Variants in TBC1D1 observed in about 807,000 individuals in gnomAD.
The protein encoded by TBC1D1 is TBC1 domain family member 1.
TBC1D1 carries 89 observed loss-of-function variants against 125.6 expected under a neutral mutation model. That is an observed-to-expected ratio of 0.71 (90% CI 0.60 to 0.85). The LOEUF (loss-of-function observed/expected upper bound fraction) is 0.85. Ranked by LOEUF, TBC1D1 falls within the 40% of genes least tolerant of loss-of-function variation. The pLI, the probability that TBC1D1 is intolerant of heterozygous loss-of-function variation, is 0.00. For missense variants in TBC1D1, 1,377 were observed against 1,469.2 expected (o/e 0.94, Z 1.03); for synonymous variants, 565 against 564.1 (o/e 1.00, Z -0.02).
At chr4:37,950,606 T>C (rs1034148007) in intron 2 of TBC1D1, among the ~76,000 whole-genome samples, 3 of 81,642 alleles carry the variant, frequency 3.7e-5, no homozygotes, top group Non-Finnish European at 4.5e-5. Flanking sequence ...CCTCCCCCAA[T>C]AGCAACATTC....
At chr4:37,905,128 G>C (rs759523626) in intron 2 of TBC1D1, among the ~76,000 whole-genome samples, 9 of 152,170 alleles carry the variant, frequency 5.9e-5, no homozygotes, top group Non-Finnish European at 1.2e-4. Flanking sequence ...TGGGAGAAGA[G>C]GCATGTAAAG....
intron 2 of TBC1D1, among the ~76,000 whole-genome samples, chr4:37,926,178 G>A (rs1722074015): frequency 6.6e-6 from 1 of 152,210 alleles, no homozygotes; most frequent in Non-Finnish European, 1.5e-5. Context: ...CTTTCTAGTG[G>A]TAAACATTAT....
chr4:38,054,130 A>G, intron 11 of TBC1D1, 69 bp from the exon 14 acceptor site: 1 of 1,520,536 alleles, frequency 6.6e-7, no homozygotes, highest in Non-Finnish European at 9.0e-7. Flanking sequence ...TGTTTAAAAA[A>G]ATGTTAAGCT....
At chr4:37,936,518 G>A (rs1724428757) in intron 2 of TBC1D1, among the ~76,000 whole-genome samples, 1 of 152,124 alleles carries the variant, frequency 6.6e-6, no homozygotes, top group Non-Finnish European at 1.5e-5. Context: ...ATAGTCTAGG[G>A]GCTATTGGAT....
At chr4:38,125,845 T>C (rs140508419) in intron 18 of TBC1D1, among the ~76,000 whole-genome samples, 1 of 152,308 alleles carries the variant, frequency 6.6e-6, no homozygotes, top group African/African-American at 2.4e-5. Flanking sequence ...CTATGCTCCT[T>C]AGTAGAGAAA....
Position 38,045,900 on chromosome 4 carries a change from CA to C in TBC1D1, c.1629del (p.Glu544SerfsTer54). Reference sequence around the variant, plus strand: ...TGTCTAGTACATTAAGTAACACCAGCAAAGTAAGCACATTTCTCTTTATACG... The same window carrying C: ...TGTCTAGTACATTAAGTAACACCAGCAAGTAAGCACATTTCTCTTTATACG... On this transcript the variant is annotated frameshift_variant and splice_region_variant, in exon 10 of 20. Coordinates refer to ENST00000261439, the MANE Select transcript of TBC1D1 (RefSeq NM_015173.4). LOFTEE classifies it high-confidence loss of function. The C allele has an allele frequency of 6.2e-7, 1 of 1,613,588 alleles. No homozygotes were observed. Among genetic ancestry groups the C allele is most frequent in the Non-Finnish European group, 8.5e-7 (1 of 1,179,506 alleles).
chr4:37,912,854 T>C (rs1438077524), intron 2 of TBC1D1, among the ~76,000 whole-genome samples: 2 of 152,212 alleles, frequency 1.3e-5, no homozygotes, highest in African/African-American at 4.8e-5. Context: ...TAAATTTCTG[T>C]GCTTTATAAA....
chr4:38,022,615 C>T (rs958152947), intron 6 of TBC1D1, among the ~76,000 whole-genome samples: 7 of 152,140 alleles, frequency 4.6e-5, no homozygotes, highest in African/African-American at 9.7e-5. Context: ...CGAATGAATC[C>T]GAATGGAATG....
intron 6 of TBC1D1, among the ~76,000 whole-genome samples, chr4:38,022,455 T>G (rs2152437452): frequency 6.6e-6 from 1 of 152,350 alleles, no homozygotes; most frequent in South Asian, 2.1e-4. Context: ...GAGCCCATGA[T>G]TCACCCCAGG....
In TBC1D1 at chr4:37,899,323, A is replaced by G. The variant is rs144479255; in HGVS notation, c.-93-2680A>G. 6.6e-4 allele frequency among the ~76,000 whole-genome samples: 101 copies of G among 152,222 alleles called. 1 individual carries two copies. The East Asian group carries it at 0.018, about 28-fold the overall frequency. On this transcript the variant is annotated intron_variant, in intron 1 of 19. Coordinates refer to ENST00000261439, the MANE Select transcript of TBC1D1 (RefSeq NM_015173.4). ...AGACCGAGTTAGCTTTAAAATAACT[A>G]AATTCAGGCCTAGGAGCCTATAGGC...
At chr4:37,932,221 A>G (rs986853811) in intron 2 of TBC1D1, among the ~76,000 whole-genome samples, 1 of 152,218 alleles carries the variant, frequency 6.6e-6, no homozygotes, top group Non-Finnish European at 1.5e-5. Context: ...GCTTCTGTCC[A>G]TTCTCTAAAA....
rs202141166 is a variant in TBC1D1 at position 38,014,707 on chromosome 4, A to G, written c.616A>G (p.Ser206Gly). 6.2e-7 allele frequency: 1 copy of G among 1,612,564 alleles called. No individual in the cohort carries two copies. The highest frequency in any genetic ancestry group is 8.5e-7 in the Non-Finnish European group (1 of 1,179,914). Residue 206 changes from serine (S) to glycine (G), a missense_variant, in exon 3 of 20, where the codon AGC becomes GGC. Ser to Gly is a moderately conservative substitution (Grantham distance 56). Transcript: ENST00000261439. This position sits in a 1 kb window ranked among gnomAD's most constrained non-coding sequence, Gnocchi z 5.1. ...CGAGAAGTTCAATCACGTCAGCGGC[A>G]GCCGGGGGTCCGAGAGCCCCCGCCC...
chr4:37,999,316 A>G (rs1200837741), intron 2 of TBC1D1, among the ~76,000 whole-genome samples: 1 of 152,126 alleles, frequency 6.6e-6, no homozygotes, highest in East Asian at 1.9e-4. Flanking sequence ...TTTAACCTAC[A>G]TGTTGTAGGT....
intron 17 of TBC1D1, among the ~76,000 whole-genome samples, chr4:38,122,904 A>G (rs1339879494): frequency 6.6e-6 from 1 of 152,208 alleles, no homozygotes; most frequent in Non-Finnish European, 1.5e-5. Flanking sequence ...TAAAACACAT[A>G]ACACCACCCT....
intron 12 of TBC1D1, among the ~76,000 whole-genome samples, chr4:38,084,172 G>A (rs1238705293): frequency 6.6e-6 from 1 of 152,164 alleles, no homozygotes; most frequent in Non-Finnish European, 1.5e-5. Flanking sequence ...CTGACCTCAT[G>A]ATCTGCCCGC....
At chr4:38,121,009 G>A (rs1033374984) in intron 17 of TBC1D1, among the ~76,000 whole-genome samples, 1 of 152,176 alleles carries the variant, frequency 6.6e-6, no homozygotes, top group Admixed American at 6.5e-5. Flanking sequence ...TATAGTGAAG[G>A]CTTCAGAGAG....
rs187822116 is a variant in TBC1D1 at position 37,953,975 on chromosome 4, G to A, written c.417+51463G>A. On this transcript the variant is annotated intron_variant, in intron 2 of 19. Coordinates refer to ENST00000261439, the MANE Select transcript of TBC1D1 (RefSeq NM_015173.4). Reference sequence around the variant, plus strand: ...GCAAAATCAACATTCCCATTGTAAGGAGATTTCCAAGCGATTCATAGGCCC... The same window carrying A: ...GCAAAATCAACATTCCCATTGTAAGAAGATTTCCAAGCGATTCATAGGCCC... Among the ~76,000 whole-genome samples the A allele has an allele frequency of 1.5e-4, 23 of 152,284 alleles. No homozygotes were observed. In the South Asian group the frequency reaches 3.3e-3, roughly 22 times the overall value.
chr4:38,121,694 TTTTTG>T (rs540636962), intron 17 of TBC1D1, among the ~76,000 whole-genome samples: 21 of 152,286 alleles, frequency 1.4e-4, no homozygotes, highest in African/African-American at 3.4e-4. Flanking sequence ...AGTTATTGTT[TTTTTG>T]TTTTGTTTTG....
intron 12 of TBC1D1, chr4:38,060,729 T>G: frequency 9.8e-7 from 1 of 1,017,080 alleles, no homozygotes; most frequent in Middle Eastern, 2.4e-4. Context: ...GAGGCTTTCT[T>G]CAGATCATGG....
Sources: gnomAD v4.1 joint callset for allele counts (sites outside exome capture counted in the v4.1 genomes callset) on GRCh38, gnomAD v4.1.1 for gene constraint, Gnocchi (gnomAD v3.1) non-coding constraint, MANE v1.5 for transcripts, NCBI Gene and HGNC (gene_info 2026-07-23, HGNC 2026-07-21) for gene names.